The following SATB2 variants were observed in gnomAD, a reference collection of about 807,000 sequenced individuals.
SATB2 encodes the protein SATB homeobox 2, also known as DNA-binding protein SATB2.
In SATB2, 1 loss-of-function variant was observed where a neutral mutation model predicts 73.4. That is an observed-to-expected ratio of 0.01 (90% CI 0.00 to 0.06). SATB2 has a LOEUF of 0.06. Among genes scored for constraint, SATB2 ranks in the 10% least tolerant of loss-of-function variants. SATB2 has a pLI of 1.00. For missense variants in SATB2, 459 were observed against 945.8 expected, an observed-to-expected ratio of 0.49 and a Z score of 6.75; for synonymous variants, 397 against 367.0, an observed-to-expected ratio of 1.08 and a Z score of -0.93.
At chr2:199,290,053 C>T (rs1692808406) in intron 10 of SATB2, among the ~76,000 whole-genome samples, 1 of 152,234 alleles carries the variant, frequency 6.6e-6, no homozygotes, top group African/African-American at 2.4e-5. Flanking sequence ...CTCACTGCAG[C>T]CTGAGCCCCT....
intron 9 of SATB2, among the ~76,000 whole-genome samples, chr2:199,316,144 G>T (rs965021100): frequency 6.6e-6 from 1 of 152,114 alleles, no homozygotes; most frequent in South Asian, 2.1e-4. Context: ...ACAAACTTTT[G>T]TAACTGTGAA....
At chr2:199,444,068 AAAAC>A (rs1691897002) in intron 2 of SATB2, among the ~76,000 whole-genome samples, 1 of 152,188 alleles carries the variant, frequency 6.6e-6, no homozygotes, top group African/African-American at 2.4e-5. Flanking sequence ...ATTAATCAGA[AAAAC>A]AGAACAGAGA....
In SATB2 at chr2:199,391,432, C is replaced by CAA. The variant is rs56190034; in HGVS notation, c.347-9614_347-9613dup. Among the ~76,000 whole-genome samples, 352 of 98,554 alleles carry CAA rather than the reference C, an allele frequency of 3.6e-3. 4 individuals carry two copies. Among genetic ancestry groups the CAA allele is most frequent in the African/African-American group, 0.013 (315 of 25,198 alleles). 64.7% of individuals were successfully genotyped at this position (98,554 alleles called of 152,430 possible). ...TGGGCGACAGAGCAAGACTCCGTCT[C>CAA]AAAAAAAAAAAAAAAAAAAACAAAA... is the stretch of plus-strand genomic sequence containing the variant. On this transcript the variant is annotated intron_variant, in intron 3 of 10. Transcript: ENST00000417098.
chr2:199,427,544 A>G (rs1574619792), intron 3 of SATB2, among the ~76,000 whole-genome samples: 1 of 152,130 alleles, frequency 6.6e-6, no homozygotes, highest in South Asian at 2.1e-4. Context: ...TTTTAGAGAT[A>G]TTTATTAAAA....
intron 6 of SATB2, among the ~76,000 whole-genome samples, chr2:199,357,972 T>G (rs1460462918): frequency 1.3e-5 from 2 of 152,068 alleles, no homozygotes; most frequent in Admixed American, 6.6e-5. Flanking sequence ...AATCACAAAT[T>G]CACATATAAT....
chr2:199,408,175 C>T (rs1413806102), intron 3 of SATB2, among the ~76,000 whole-genome samples: 2 of 151,978 alleles, frequency 1.3e-5, no homozygotes, highest in African/African-American at 4.8e-5. Context: ...AACATTTTAC[C>T]AATGATTTGG....
In SATB2 at chr2:199,270,782, AAT is replaced by A. The variant is rs1394757203; in HGVS notation, c.*1427_*1428del. On this transcript the variant is annotated 3_prime_UTR_variant, in exon 11 of 11. Transcript: ENST00000417098. ...TAATTGCGATGTAGGTAACTGGGAT[AAT>A]GTTTTCTTTTAGGATGAGTAAGTGA... 1 of 152,344 alleles carries A rather than the reference AAT, an allele frequency of 6.6e-6. No individual in the cohort carries two copies. Among genetic ancestry groups the A allele is most frequent in the Admixed American group, 6.5e-5 (1 of 15,280 alleles). The allele number at this position is 152,344 out of a possible 1,614,324, so 9.4% of individuals were successfully genotyped here. A position where few individuals can be genotyped will look rare whatever the true frequency, so the allele number is the denominator to read the frequency against.
At chr2:199,370,816 C>T (rs1423553650) in intron 5 of SATB2, among the ~76,000 whole-genome samples, 1 of 152,008 alleles carries the variant, frequency 6.6e-6, no homozygotes, top group Admixed American at 6.6e-5. Flanking sequence ...TCATATAACT[C>T]ATTTGTAAAG....
intron 7 of SATB2, among the ~76,000 whole-genome samples, chr2:199,332,457 G>T (rs909846374): frequency 3.9e-5 from 6 of 152,048 alleles, no homozygotes; most frequent in Admixed American, 6.6e-5. Flanking sequence ...GAATACATGA[G>T]TTTGGCAAAA....
At chr2:199,386,521 T>C (rs1325809866) in intron 3 of SATB2, among the ~76,000 whole-genome samples, 1 of 152,194 alleles carries the variant, frequency 6.6e-6, no homozygotes, top group African/African-American at 2.4e-5. Context: ...GAACAAGTTA[T>C]GTGGCCATTG....
rs552777675 is a variant in SATB2 at position 199,432,987 on chromosome 2, A to C, written c.346+351T>G. On this transcript the variant is annotated intron_variant, in intron 3 of 10. Coordinates refer to ENST00000417098, the MANE Select transcript of SATB2 (RefSeq NM_001172509.2). ...GCCACAGGCCCAAAGCAATAAATAA[A>C]TTTGGAAAACTGAATGCTTTATAAG... 2.6e-5 allele frequency among the ~76,000 whole-genome samples: 4 copies of C among 152,354 alleles called. No individual in the cohort carries two copies. The East Asian group carries it at 7.7e-4, about 29-fold the overall frequency.
chr2:199,380,519 A>G, intron 4 of SATB2, 32 bp from the exon 5 acceptor site: 1 of 1,608,390 alleles, frequency 6.2e-7, no homozygotes, highest in Non-Finnish European at 8.5e-7. Flanking sequence ...AACAATACAC[A>G]AACCTCAACC....
At chr2:199,348,394 C>T (rs1264562409) in intron 7 of SATB2, 1 of 286,196 alleles carries the variant, frequency 3.5e-6, no homozygotes, top group Non-Finnish European at 6.6e-6. Flanking sequence ...ATCAGGGTTA[C>T]ATCTGCAAAC....
At chr2:199,419,300 T>C (rs1691094349) in intron 3 of SATB2, among the ~76,000 whole-genome samples, 1 of 152,152 alleles carries the variant, frequency 6.6e-6, no homozygotes, top group African/African-American at 2.4e-5. Context: ...TTACTATGAA[T>C]ATATTACCCT....
chr2:199,284,762 C>G (rs115162483), intron 10 of SATB2, among the ~76,000 whole-genome samples: 1,763 of 151,524 alleles, frequency 0.012, 30 homozygotes, highest in African/African-American at 0.039. Flanking sequence ...ATGGATTCAA[C>G]AAACCACAAT....
At chr2:199,301,272 T>C (rs1687282285) in intron 10 of SATB2, among the ~76,000 whole-genome samples, 1 of 152,092 alleles carries the variant, frequency 6.6e-6, no homozygotes, top group Non-Finnish European at 1.5e-5. Context: ...GCACTTTACA[T>C]TAAAAAAGAA....
At chr2:199,295,409 G>C (rs1380918627) in intron 10 of SATB2, among the ~76,000 whole-genome samples, 2 of 151,764 alleles carry the variant, frequency 1.3e-5, no homozygotes, top group Non-Finnish European at 2.9e-5. Flanking sequence ...TTTAACAACT[G>C]GGTCTCTAAA....
At chr2:199,304,084 G>A (rs1343531547) in intron 10 of SATB2, among the ~76,000 whole-genome samples, 1 of 152,182 alleles carries the variant, frequency 6.6e-6, no homozygotes, top group Non-Finnish European at 1.5e-5. Context: ...AGTGTGGTCA[G>A]AGGAAAGACT....
intron 10 of SATB2, among the ~76,000 whole-genome samples, chr2:199,295,040 T>C (rs555988217): frequency 2.2e-4 from 33 of 152,306 alleles, no homozygotes; most frequent in African/African-American, 7.9e-4. Flanking sequence ...TATGGACTCA[T>C]TATGCTACAG....
Sources: allele counts gnomAD v4.1 joint callset (sites outside exome capture counted in the v4.1 genomes callset), GRCh38; gene constraint gnomAD v4.1.1; transcripts MANE v1.5; gene names NCBI Gene and HGNC (gene_info 2026-07-23, HGNC 2026-07-21).